Variants in RAB43 observed in about 807,000 individuals in gnomAD.
RAB43 encodes the protein RAB43, member RAS oncogene family.
RAB43 carries 6 observed loss-of-function variants against 18.8 expected under a neutral mutation model. The ratio of observed to expected loss-of-function variants is 0.32; its 90% CI spans 0.17 to 0.63. The LOEUF (loss-of-function observed/expected upper bound fraction) is 0.63. Among genes scored for constraint, RAB43 ranks in the 30% least tolerant of loss-of-function variants. The pLI, the probability that RAB43 is intolerant of heterozygous loss-of-function variation, is 0.79. For missense variants in RAB43, 195 were observed against 289.1 expected (o/e 0.67, Z 2.36); for synonymous variants, 103 against 124.1 (o/e 0.83, Z 1.13).
chr3:129,115,115 C>A (rs1342405324), intron 1 of RAB43, among the ~76,000 whole-genome samples: 2 of 152,108 alleles, frequency 1.3e-5, no homozygotes, highest in Non-Finnish European at 2.9e-5. Context: ...AAGTCACATG[C>A]CTATGGTACA....
intron 2 of RAB43, among the ~76,000 whole-genome samples, chr3:129,093,455 CAA>C (rs1440912498): frequency 2.0e-5 from 3 of 152,066 alleles, no homozygotes; most frequent in Non-Finnish European, 4.4e-5. Flanking sequence ...ACTAAAAATA[CAA>C]AAGTTAGCCA....
Position 129,089,848 on chromosome 3 carries a change from C to T in RAB43, c.*1248G>A, listed in dbSNP as rs1298916658. The T allele has an allele frequency of 9.9e-6, 1 of 101,358 alleles. No individual in the cohort carries two copies. Among genetic ancestry groups the T allele is most frequent in the Non-Finnish European group, 2.0e-5 (1 of 49,608 alleles). The allele number at this position is 101,358 out of a possible 1,614,324, so 6.3% of individuals were successfully genotyped here. On this transcript the variant is annotated 3_prime_UTR_variant, in exon 3 of 3. Transcript: ENST00000315150. ...GACCACAAACCGACGCAGCCCTGCT[C>T]GTGGGTCCAAGAGCTGCTTACTTCT...
intron 2 of RAB43, among the ~76,000 whole-genome samples, chr3:129,093,895 C>T (rs1466628485): frequency 6.6e-6 from 1 of 151,124 alleles, no homozygotes; most frequent in East Asian, 2.0e-4. Flanking sequence ...ACCAAGATCA[C>T]GCCACGGCAC....
At chr3:129,104,166 T>C (rs1039168536) in intron 1 of RAB43, among the ~76,000 whole-genome samples, 3 of 152,202 alleles carry the variant, frequency 2.0e-5, no homozygotes, top group African/African-American at 4.8e-5. Flanking sequence ...CTGAGCGAGC[T>C]GTACATTGTT....
chr3:129,121,986 C>G (rs1217045729), upstream of RAB43: 2 of 156,052 alleles, frequency 1.3e-5, no homozygotes, highest in Admixed American at 1.3e-4. Flanking sequence ...CCCACCTCAG[C>G]GCGCCCCGAC....
Position 129,095,067 on chromosome 3 carries a change from T to C in RAB43, c.307A>G (p.Arg103Gly), listed in dbSNP as rs761935108. The C allele has an allele frequency of 6.2e-7, 1 of 1,614,032 alleles. No individual in the cohort carries two copies. Among genetic ancestry groups the C allele is most frequent in the Non-Finnish European group, 8.5e-7 (1 of 1,179,954 alleles). ...GAILAYDITK[R>G]SSFLSVPHWI... ...TGAGGCACCGACAGGAAGGAGCTCC[T>C]CTTGGTGATGTCGTAGGCAAGGATG... The change falls in exon 2 of 3, where the codon AGG (arginine) becomes GGG (glycine). Residue 103 changes from arginine to glycine, a missense_variant. Arg to Gly is a moderately radical substitution (Grantham distance 125). Transcript: ENST00000315150. The surrounding 1 kb of genome is among the most constrained non-coding windows in gnomAD (Gnocchi z 4.2).
intron 1 of RAB43, among the ~76,000 whole-genome samples, chr3:129,111,777 T>C (rs904574231): frequency 8.5e-5 from 13 of 152,328 alleles, no homozygotes; most frequent in Admixed American, 3.9e-4. Flanking sequence ...TTCATAAAAT[T>C]GATTCTGTTC....
intron 1 of RAB43, among the ~76,000 whole-genome samples, chr3:129,111,014 C>G (rs1935134019): frequency 6.6e-6 from 1 of 151,886 alleles, no homozygotes; most frequent in Admixed American, 6.6e-5. Context: ...CACAAATGCA[C>G]AGCAAACTGG....
intron 1 of RAB43, among the ~76,000 whole-genome samples, chr3:129,110,417 T>C (rs911853853): frequency 6.6e-6 from 1 of 152,170 alleles, no homozygotes; most frequent in Non-Finnish European, 1.5e-5. Flanking sequence ...ACAAAGTCCA[T>C]GCCCAGCAGC....
At position 129,095,272 on chromosome 3, in the gene RAB43, G is replaced by A; in HGVS notation, c.205-103C>T. The stretch of plus-strand genomic sequence containing the variant: ...ACACCCAGAGCTGTGGTTCCACTGG[G>A]CTAGGAGGCCTTCTGAGTCCTTAGA... On this transcript the variant is annotated intron_variant, in intron 1 of 2. Transcript: ENST00000315150. The surrounding 1 kb of genome is among the most constrained non-coding windows in gnomAD (Gnocchi z 4.2). 6.9e-7 allele frequency: 1 copy of A among 1,457,372 alleles called. No homozygotes were observed. Among genetic ancestry groups the A allele is most frequent in the Non-Finnish European group, 9.1e-7 (1 of 1,094,764 alleles). The allele number at this position is 1,457,372 out of a possible 1,614,324, so 90.3% of individuals were successfully genotyped here.
chr3:129,111,145 C>T (rs371279311), intron 1 of RAB43, among the ~76,000 whole-genome samples: 12 of 152,156 alleles, frequency 7.9e-5, no homozygotes, highest in South Asian at 2.1e-4. Context: ...TTTCTCCCTC[C>T]GTGTGTTCTG....
chr3:129,112,074 C>T (rs1935205300), intron 1 of RAB43, among the ~76,000 whole-genome samples: 1 of 151,986 alleles, frequency 6.6e-6, no homozygotes, highest in Non-Finnish European at 1.5e-5. Context: ...CAATGTGAAA[C>T]CCCATCTATC....
chr3:129,103,530 C>T (rs1178618329), intron 1 of RAB43, among the ~76,000 whole-genome samples: 3 of 151,952 alleles, frequency 2.0e-5, no homozygotes, highest in Non-Finnish European at 2.9e-5. Flanking sequence ...CTCTCCCAGA[C>T]GCCCATGTGA....
intron 1 of RAB43, among the ~76,000 whole-genome samples, chr3:129,110,265 G>A (rs1935070744): frequency 6.6e-6 from 1 of 152,158 alleles, no homozygotes; most frequent in African/African-American, 2.4e-5. Flanking sequence ...AGGCAACGTG[G>A]AAGAGAACTG....
chr3:129,091,400 C>T, intron 2 of RAB43, 54 bp from the exon 3 acceptor site: 2 of 1,561,386 alleles, frequency 1.3e-6, no homozygotes, highest in South Asian at 1.2e-5. Flanking sequence ...CAAGCCCAGT[C>T]CCACCTGGGA....
intron 1 of RAB43, among the ~76,000 whole-genome samples, chr3:129,114,870 CTT>C (rs1444728109): frequency 6.6e-6 from 1 of 152,158 alleles, no homozygotes; most frequent in East Asian, 1.9e-4. Flanking sequence ...GGGCCAGTCT[CTT>C]GCCTTTATTG....
At position 129,121,078 on chromosome 3, in the gene RAB43, C is replaced by A. The variant is rs897602726; in HGVS notation, c.204+208G>T. Reference sequence around the variant, plus strand: ...CCTCCACACTCCCTCGCCCCCCCCCCCCCCAGCAACCCACGGCCGGCGCTT... The same window carrying A: ...CCTCCACACTCCCTCGCCCCCCCCCACCCCAGCAACCCACGGCCGGCGCTT... On this transcript the variant is annotated intron_variant, in intron 1 of 2. Coordinates refer to ENST00000315150, the MANE Select transcript of RAB43 (RefSeq NM_198490.3). 4.2e-4 allele frequency among the ~76,000 whole-genome samples: 62 copies of A among 147,126 alleles called. No individual in the cohort carries two copies. In the East Asian group the frequency reaches 5.5e-3, roughly 13 times the overall value.
At chr3:129,115,548 G>A (rs1027304297) in intron 1 of RAB43, among the ~76,000 whole-genome samples, 2 of 151,962 alleles carry the variant, frequency 1.3e-5, no homozygotes, top group East Asian at 1.9e-4. Flanking sequence ...GGCCAGGCGC[G>A]GTGGCTCACA....
intron 1 of RAB43, among the ~76,000 whole-genome samples, chr3:129,105,181 G>A (rs934753069): frequency 3.9e-5 from 6 of 152,164 alleles, no homozygotes; most frequent in African/African-American, 7.2e-5. Flanking sequence ...CCCTTCTGCC[G>A]GCCAAACAAA....
Sources: gnomAD v4.1 joint callset for allele counts (sites outside exome capture counted in the v4.1 genomes callset) on GRCh38, gnomAD v4.1.1 for gene constraint, Gnocchi (gnomAD v3.1) non-coding constraint, MANE v1.5 for transcripts, NCBI Gene and HGNC (gene_info 2026-07-23, HGNC 2026-07-21) for gene names.